Variants in PTPN4 observed in about 807,000 individuals in gnomAD.
PTPN4 encodes the protein tyrosine-protein phosphatase non-receptor type 4.
A neutral mutation model predicts 135.5 loss-of-function variants in PTPN4; 49 were observed. The ratio of observed to expected loss-of-function variants is 0.36; its 90% CI spans 0.29 to 0.46. The LOEUF (loss-of-function observed/expected upper bound fraction) is 0.46, where lower values mean the gene tolerates loss of function less well. Ranked by LOEUF, PTPN4 falls within the 20% of genes least tolerant of loss-of-function variation. The pLI is 1.00. For synonymous variants in PTPN4, 333 were observed against 369.9 expected (o/e 0.90, Z 1.14); for missense variants, 860 against 1,101.0 (o/e 0.78, Z 3.10).
rs765409271 is a variant in PTPN4 at position 119,967,902 on chromosome 2, A to G, written c.2624A>G (p.Asn875Ser). ...ACAGCCATGTGTCTCATTGAATGCAATCAGCCAGTTTATCCACTAGATATT... is the reference window on the plus strand; with the variant it reads ...ACAGCCATGTGTCTCATTGAATGCAGTCAGCCAGTTTATCCACTAGATATT... ...METAMCLIEC[N>S]QPVYPLDIVR... The change falls in exon 26 of 27, where the codon AAT becomes AGT. Residue 875 changes from asparagine to serine, a missense_variant. Coordinates refer to ENST00000263708, the MANE Select transcript of PTPN4 (RefSeq NM_002830.4). The G allele has an allele frequency of 6.2e-6, 10 of 1,611,836 alleles. No homozygotes were observed. The highest frequency in any genetic ancestry group is 8.5e-6 in the Non-Finnish European group (10 of 1,178,376).
At chr2:119,920,505 C>T (rs531708658) in intron 12 of PTPN4, among the ~76,000 whole-genome samples, 2 of 152,170 alleles carry the variant, frequency 1.3e-5, no homozygotes, top group Admixed American at 1.3e-4. Context: ...TACTTATTTA[C>T]AATAAAGACA....
Position 119,920,217 on chromosome 2 carries a change from C to T in PTPN4, c.977C>T (p.Thr326Ile). ...AAGAATTTTTTTGCACATTATTTTA[C>T]ATTAGGTTCAAAATTCCGGTACTGG... ...PQKNFFAHYF[T>I]LGSKFRYCGR... The change falls in exon 12 of 27, where the codon ACA (threonine) becomes ATA (isoleucine). Residue 326 changes from threonine to isoleucine, a missense_variant. Transcript: ENST00000263708. 1 of 1,611,358 alleles carries T rather than the reference C, an allele frequency of 6.2e-7. No individual in the cohort carries two copies. Among genetic ancestry groups the T allele is most frequent in the East Asian group, 2.2e-5 (1 of 44,758 alleles).
intron 13 of PTPN4, among the ~76,000 whole-genome samples, chr2:119,931,893 A>G (rs1313117179): frequency 6.6e-6 from 1 of 152,224 alleles, no homozygotes; most frequent in Non-Finnish European, 1.5e-5. Context: ...GGAAAAATCC[A>G]CTAACCTACT....
chr2:119,862,079 TGATATA>T (rs1411844332), intron 2 of PTPN4, among the ~76,000 whole-genome samples: 5 of 152,178 alleles, frequency 3.3e-5, no homozygotes, highest in African/African-American at 7.2e-5. Flanking sequence ...CATAACAAAA[TGATATA>T]GATATATGCA....
chr2:119,863,984 GT>G (rs1401953356), intron 3 of PTPN4, among the ~76,000 whole-genome samples: 1 of 152,114 alleles, frequency 6.6e-6, no homozygotes, highest in African/African-American at 2.4e-5. Context: ...TTTAAAGAGA[GT>G]TTATTCAAGT....
chr2:119,800,329 C>G (rs1212062737), intron 1 of PTPN4, among the ~76,000 whole-genome samples: 1 of 152,128 alleles, frequency 6.6e-6, no homozygotes, highest in Non-Finnish European at 1.5e-5. Flanking sequence ...ATTTACATTT[C>G]CCAAATGGCT....
At chr2:119,881,900 A>G in intron 6 of PTPN4, 70 bp downstream of exon 6, 1 of 1,264,190 alleles carries the variant, frequency 7.9e-7, no homozygotes, top group Non-Finnish European at 1.1e-6. Flanking sequence ...ATCTGTGTTA[A>G]GTAATTCATG....
rs569135201 is a variant in PTPN4, at chr2:119,982,629, G to T, written c.*5559G>T. On this transcript the variant is annotated 3_prime_UTR_variant, in exon 27 of 27. Coordinates refer to ENST00000263708, the MANE Select transcript of PTPN4 (RefSeq NM_002830.4). ...TAATTGAATTCTAGACTTTTGGAGT[G>T]TGGAAGGGTGTTTGTGTGTGAAGGT... 2 of 152,288 alleles carry T rather than the reference G, an allele frequency of 1.3e-5. No individual in the cohort carries two copies. Among genetic ancestry groups the T allele is most frequent in the Non-Finnish European group, 2.9e-5 (2 of 68,010 alleles). The allele number at this position is 152,288 out of a possible 1,614,324, so 9.4% of individuals were successfully genotyped here.
At chr2:119,827,419 A>G (rs1677161047) in intron 2 of PTPN4, among the ~76,000 whole-genome samples, 2 of 152,226 alleles carry the variant, frequency 1.3e-5, no homozygotes, top group South Asian at 4.1e-4. Flanking sequence ...GAGAGTCTCC[A>G]CTGAGCTGTT....
intron 9 of PTPN4, among the ~76,000 whole-genome samples, chr2:119,889,244 C>T (rs539933910): frequency 6.6e-6 from 1 of 152,020 alleles, no homozygotes; most frequent in East Asian, 1.9e-4. Flanking sequence ...GCGGTGAAAC[C>T]CCGTCTCTAC....
intron 2 of PTPN4, among the ~76,000 whole-genome samples, chr2:119,833,929 C>T (rs1395972128): frequency 6.6e-6 from 1 of 152,192 alleles, no homozygotes; most frequent in East Asian, 1.9e-4. Flanking sequence ...TTCTGTATCT[C>T]ACCTTATTTA....
rs1678145845 is a variant in PTPN4, at chr2:119,885,718, A to C, written c.588-77A>C. Reference sequence around the variant, plus strand: ...TAGACTGCTCAGTTTTTTCAGATAAATAGCCTTTTTCTAATTTAGCCATAT... The same window carrying C: ...TAGACTGCTCAGTTTTTTCAGATAACTAGCCTTTTTCTAATTTAGCCATAT... On this transcript the variant is annotated intron_variant, in intron 8 of 26. Coordinates refer to ENST00000263708, the MANE Select transcript of PTPN4 (RefSeq NM_002830.4). 3.8e-6 allele frequency: 4 copies of C among 1,052,576 alleles called. No homozygotes were observed. In the South Asian group the frequency reaches 7.0e-5, roughly 19 times the overall value. The allele number at this position is 1,052,576 out of a possible 1,614,324, so 65.2% of individuals were successfully genotyped here.
At chr2:119,861,443 G>A (rs1677759109) in intron 2 of PTPN4, among the ~76,000 whole-genome samples, 2 of 152,274 alleles carry the variant, frequency 1.3e-5, no homozygotes, top group African/African-American at 4.8e-5. Flanking sequence ...GTATATAAAT[G>A]TAACGAGAAT....
At chr2:119,905,358 C>T (rs1483631342) in intron 10 of PTPN4, among the ~76,000 whole-genome samples, 2 of 152,104 alleles carry the variant, frequency 1.3e-5, no homozygotes, top group Non-Finnish European at 2.9e-5. Context: ...ACAAAATATA[C>T]TTTGTAAAAA....
chr2:119,886,029 C>T, intron 9 of PTPN4, 147 bp downstream of exon 9: 1 of 534,474 alleles, frequency 1.9e-6, no homozygotes, highest in Non-Finnish European at 3.3e-6. Flanking sequence ...TAAGTATTTT[C>T]ACAATAACTT....
chr2:119,782,362 C>T (rs1214670007), intron 1 of PTPN4, among the ~76,000 whole-genome samples: 4 of 151,862 alleles, frequency 2.6e-5, no homozygotes, highest in East Asian at 3.9e-4. Context: ...GAGGTTGCAA[C>T]GAGCCGAGGT....
intron 1 of PTPN4, among the ~76,000 whole-genome samples, chr2:119,779,962 T>G (rs532966300): frequency 6.6e-6 from 1 of 152,200 alleles, no homozygotes; most frequent in Non-Finnish European, 1.5e-5. Flanking sequence ...CCTAGGCTGG[T>G]TTCAAACTCC....
intron 26 of PTPN4, among the ~76,000 whole-genome samples, chr2:119,975,983 T>A (rs966353855): frequency 3.6e-4 from 49 of 137,100 alleles, no homozygotes; most frequent in African/African-American, 1.2e-3. Flanking sequence ...TTTATTTTAT[T>A]TTTATTTATT....
Position 119,809,985 on chromosome 2 carries a change from A to G in PTPN4, c.132A>G (p.Lys44=). The change falls in exon 2 of 27, where the codon AAA becomes AAG. Residue 44 remains lysine, a synonymous_variant. Coordinates refer to ENST00000263708, the MANE Select transcript of PTPN4 (RefSeq NM_002830.4). ...TGGATAACACTGTACAAGCTTTCAA[A>G]GTCAATGTAAGTATTTTGTGTCTTT... The part of the protein sequence containing the change: ...LLLDNTVQAF[K]VNKHDQGQVL... 1 of 1,604,928 alleles carries G rather than the reference A, an allele frequency of 6.2e-7. No homozygotes were observed. The highest frequency in any genetic ancestry group is 8.5e-7 in the Non-Finnish European group (1 of 1,177,332).
Sources: allele counts gnomAD v4.1 joint callset (sites outside exome capture counted in the v4.1 genomes callset), GRCh38; gene constraint gnomAD v4.1.1; transcripts MANE v1.5; gene names NCBI Gene and HGNC (gene_info 2026-07-23, HGNC 2026-07-21).